The following ATAT1 variants were observed in gnomAD, a reference collection of about 807,000 sequenced individuals.
The protein encoded by ATAT1 is alpha tubulin acetyltransferase 1.
A neutral mutation model predicts 57.2 loss-of-function variants in ATAT1; 42 were observed. That is an observed-to-expected ratio of 0.73 (90% confidence interval 0.57 to 0.95). The LOEUF is 0.95. ATAT1 is among the 40% of genes least tolerant of loss of function. ATAT1 has a pLI of 0.00. For synonymous variants in ATAT1, 168 were observed against 187.1 expected (o/e 0.90, Z 0.83); for missense variants, 454 against 523.7 (o/e 0.87, Z 1.30).
chr6:30,645,814 ACTC>A (rs1026056960), intron 10 of ATAT1, 78 bp from the exon 11 acceptor site: 1 of 978,058 alleles, frequency 1.0e-6, no homozygotes, highest in African/African-American at 1.7e-5. Flanking sequence ...TATTCCTTTT[ACTC>A]CTCTCCTCTG....
intron 6 of ATAT1, among the ~76,000 whole-genome samples, chr6:30,640,175 A>G (rs113694002): frequency 0.013 from 1,987 of 152,116 alleles, 50 homozygotes; most frequent in African/African-American, 0.044. Flanking sequence ...CATTCAGTAC[A>G]GTAACATGCT....
At position 30,635,426 on chromosome 6, in the gene ATAT1, C is replaced by T. The variant is rs376947741; in HGVS notation, c.502-4951C>T. On this transcript the variant is annotated intron_variant, in intron 6 of 12. Transcript: ENST00000330083. Reference sequence around the variant, plus strand: ...CCAACATGGTGAAACCCCATCTCTACAAAAAATACAAAATTAGCCAGGCGA... The same window carrying T: ...CCAACATGGTGAAACCCCATCTCTATAAAAAATACAAAATTAGCCAGGCGA... 1.6e-4 allele frequency among the ~76,000 whole-genome samples: 25 copies of T among 151,810 alleles called. 3 individuals carry two copies. The highest frequency in any genetic ancestry group is 1.2e-3 in the East Asian group (6 of 5,140).
intron 10 of ATAT1, chr6:30,643,855 AT>A: frequency 7.7e-6 from 10 of 1,299,218 alleles, no homozygotes; most frequent in Non-Finnish European, 9.8e-6. Flanking sequence ...TGGCTCATAC[AT>A]TTATCTAGAG....
At chr6:30,642,089 G>T in intron 8 of ATAT1, 87 bp from the exon 9 acceptor site, 1 of 1,601,696 alleles carries the variant, frequency 6.2e-7, no homozygotes, top group Non-Finnish European at 8.5e-7. Flanking sequence ...GGGAGCAGAG[G>T]TTTGGGGTTG....
chr6:30,645,946 G>T lies in ATAT1; in HGVS notation c.984G>T (p.Gly328=). The T allele has an allele frequency of 6.5e-7, 1 of 1,538,808 alleles. No homozygotes were observed. Among genetic ancestry groups the T allele is most frequent in the African/African-American group, 1.4e-5 (1 of 73,078 alleles). The change falls in exon 11 of 13, where the codon GGG becomes GGT. Residue 328 remains glycine (G), a synonymous_variant. Coordinates refer to ENST00000330083, the MANE Select transcript of ATAT1 (RefSeq NM_001031722.4). ...AAAGCTGCTGCTACAGCCGCCATGG[G>T]GGGGTGAATTCCTCATCCCCCAATA...
chr6:30,641,440 C>A (rs977226362), intron 8 of ATAT1, among the ~76,000 whole-genome samples: 1 of 152,184 alleles, frequency 6.6e-6, no homozygotes, highest in African/African-American at 2.4e-5. Context: ...GGTGAGGTCT[C>A]AGGCCTGCAG....
At position 30,640,601 on chromosome 6, in the gene ATAT1, C is replaced by T. The variant is rs1476971505; in HGVS notation, c.614C>T (p.Ala205Val). 31 of 1,612,684 alleles carry T rather than the reference C, an allele frequency of 1.9e-5. No homozygotes were observed. The highest frequency in any genetic ancestry group is 2.5e-5 in the Non-Finnish European group (29 of 1,179,906). ...GCTGCTGCAGTCGATCCCACGCCCG[C>T]TGGTAAAGCCTGTATTGAAGGGGTG... The change falls in exon 8 of 13, where the codon GCT (alanine) becomes GTT (valine). Residue 205 changes from alanine (A) to valine (V), a missense_variant and splice_region_variant. Physicochemically the swap from Ala to Val is moderately conservative, Grantham distance 64. Coordinates refer to ENST00000330083, the MANE Select transcript of ATAT1 (RefSeq NM_001031722.4).
chr6:30,630,424 T>C (rs1762604011), intron 6 of ATAT1, among the ~76,000 whole-genome samples: 1 of 151,994 alleles, frequency 6.6e-6, no homozygotes, highest in South Asian at 2.1e-4. Context: ...TCACTTGAGG[T>C]CAGGAGTTTG....
chr6:30,638,960 G>A (rs892520748), intron 6 of ATAT1, among the ~76,000 whole-genome samples: 6 of 151,906 alleles, frequency 3.9e-5, no homozygotes, highest in African/African-American at 1.5e-4. Context: ...CCCACCCCTT[G>A]GAACCCTGCT....
chr6:30,644,212 G>A (rs538150927), intron 10 of ATAT1: 1 of 985,884 alleles, frequency 1.0e-6, no homozygotes, highest in Admixed American at 6.1e-5. Context: ...GGTCTCTAAA[G>A]GAGATTGGCT....
rs778512134 is a variant in ATAT1, at chr6:30,627,160, A to T, written c.-44A>T. Reference sequence around the variant, plus strand: ...CCTAGTGGGATTGATCAGCGCTTGGATCTGTGACCTTTCACCCCGGGCCCA... The same window carrying T: ...CCTAGTGGGATTGATCAGCGCTTGGTTCTGTGACCTTTCACCCCGGGCCCA... On this transcript the variant is annotated 5_prime_UTR_variant, in exon 1 of 13. Transcript: ENST00000330083. The T allele has an allele frequency of 4.3e-6, 7 of 1,612,446 alleles. No individual in the cohort carries two copies. Among genetic ancestry groups the T allele is most frequent in the African/African-American group, 4.0e-5 (3 of 74,838 alleles).
At chr6:30,636,457 G>C (rs1561911434) in intron 6 of ATAT1, among the ~76,000 whole-genome samples, 1 of 152,048 alleles carries the variant, frequency 6.6e-6, no homozygotes, top group Non-Finnish European at 1.5e-5. Flanking sequence ...GTGGTGGCAG[G>C]CGCCTGTAGT....
chr6:30,634,754 C>T (rs1038415830), intron 6 of ATAT1, among the ~76,000 whole-genome samples: 7 of 148,368 alleles, frequency 4.7e-5, no homozygotes, highest in Non-Finnish European at 3.0e-5. Flanking sequence ...TTTGGGAGGC[C>T]GAGGTGGGTG....
intron 10 of ATAT1, chr6:30,643,595 G>A: frequency 2.6e-6 from 4 of 1,550,540 alleles, no homozygotes; most frequent in Non-Finnish European, 3.5e-6. Context: ...GGAGACCTGG[G>A]GTGGGCAGGG....
chr6:30,631,132 G>A (rs1762778905), intron 6 of ATAT1, among the ~76,000 whole-genome samples: 1 of 152,134 alleles, frequency 6.6e-6, no homozygotes, highest in South Asian at 2.1e-4. Context: ...TGGGATTGCA[G>A]GTTGAAAGGG....
intron 6 of ATAT1, among the ~76,000 whole-genome samples, chr6:30,630,826 T>C (rs1762699114): frequency 6.6e-6 from 1 of 151,526 alleles, no homozygotes; most frequent in South Asian, 2.1e-4. Flanking sequence ...TAATCCCAGC[T>C]ACTCGGGAGG....
intron 6 of ATAT1, among the ~76,000 whole-genome samples, chr6:30,629,365 T>C (rs1168499186): frequency 6.6e-6 from 1 of 151,488 alleles, no homozygotes; most frequent in Non-Finnish European, 1.5e-5. Context: ...TGCCTCAGCC[T>C]CCTGAGTAGT....
chr6:30,646,316 G>A, intron 12 of ATAT1, 153 bp from the exon 13 acceptor site: 1 of 1,447,770 alleles, frequency 6.9e-7, no homozygotes, highest in Non-Finnish European at 9.1e-7. Flanking sequence ...GATTCTCTGA[G>A]AGGTTTTAAA....
intron 8 of ATAT1, among the ~76,000 whole-genome samples, chr6:30,641,613 T>TGCA (rs2127543785): frequency 6.6e-6 from 1 of 152,144 alleles, no homozygotes; most frequent in Non-Finnish European, 1.5e-5. Flanking sequence ...CTGCTTACTC[T>TGCA]GATAGCTCCC....
Sources: gnomAD v4.1 joint callset for allele counts (sites outside exome capture counted in the v4.1 genomes callset) on GRCh38, gnomAD v4.1.1 for gene constraint, MANE v1.5 for transcripts, NCBI Gene and HGNC (gene_info 2026-07-23, HGNC 2026-07-21) for gene names.